CCDC198: variants seen among roughly 807,000 people sequenced by gnomAD.
The protein encoded by CCDC198 is factor associated with metabolism and energy.
In CCDC198, 18 loss-of-function variants were observed where a neutral mutation model predicts 35.6. The observed-to-expected ratio is 0.51, with a 90% CI of 0.35 to 0.75. The LOEUF is 0.75. Among genes scored for constraint, CCDC198 ranks in the 30% least tolerant of loss-of-function variants. The probability of loss-of-function intolerance (pLI) is 0.01; values close to 1 mark genes in which losing one functional copy is unlikely to be tolerated. For synonymous variants in CCDC198, 119 were observed against 113.4 expected, an observed-to-expected ratio of 1.05 and a Z score of -0.31; for missense variants, 365 against 343.7, an observed-to-expected ratio of 1.06 and a Z score of -0.49.
chr14:57,490,848 A>G, intron 2 of CCDC198, 141 bp downstream of exon 2: 1 of 814,834 alleles, frequency 1.2e-6, no homozygotes, highest in Non-Finnish European at 1.9e-6. Flanking sequence ...AGTATTTGCG[A>G]TTGATGACAT....
intron 5 of CCDC198, among the ~76,000 whole-genome samples, chr14:57,479,661 T>C (rs1438591295): frequency 6.6e-6 from 1 of 152,200 alleles, no homozygotes; most frequent in Non-Finnish European, 1.5e-5. Context: ...AATACTTTAA[T>C]TACCGAGTAG....
At chr14:57,476,387 A>G (rs947839098) in intron 5 of CCDC198, among the ~76,000 whole-genome samples, 3 of 152,152 alleles carry the variant, frequency 2.0e-5, no homozygotes, top group Non-Finnish European at 4.4e-5. Flanking sequence ...TAGATGCACT[A>G]CTGGGACTCA....
chr14:57,481,575 A>C lies in CCDC198; in HGVS notation c.479T>G (p.Ile160Ser), dbSNP rs775826016. The change falls in exon 4 of 6, where the codon ATC becomes AGC. Residue 160 changes from isoleucine (I) to serine (S), a missense_variant. Coordinates refer to ENST00000216445, the MANE Select transcript of CCDC198 (RefSeq NM_018168.4). ...YLHKMQVLEM[I>S]RKRQEAQMEL... is the part of the protein sequence containing the mutation. ...CGTATTTACCTCTTGTCTTTTACGG[A>C]TCATTTCCAGCACTTGCATCTTATG... 1.9e-6 allele frequency: 3 copies of C among 1,611,360 alleles called. No individual in the cohort carries two copies. The South Asian group carries it at 3.3e-5, about 18-fold the overall frequency.
chr14:57,492,632 C>A (rs1210533181), intron 1 of CCDC198, among the ~76,000 whole-genome samples: 2 of 151,918 alleles, frequency 1.3e-5, no homozygotes, highest in East Asian at 3.9e-4. Context: ...ATTCTGCAGA[C>A]AATAGCCATG....
intron 2 of CCDC198, among the ~76,000 whole-genome samples, chr14:57,484,183 C>G (rs1152520): frequency 0.93 from 141,098 of 152,218 alleles, 66,329 homozygotes; most frequent in East Asian, 1. Context: ...ACCTCAGAAT[C>G]GGAACTTATT....
At chr14:57,478,968 C>A (rs1321888141) in intron 5 of CCDC198, 2 of 1,288,798 alleles carry the variant, frequency 1.6e-6, no homozygotes, top group Non-Finnish European at 2.0e-6. Flanking sequence ...GGATTTGGCC[C>A]ACGGCACAGC....
chr14:57,488,146 A>T (rs571447614), intron 2 of CCDC198, among the ~76,000 whole-genome samples: 123 of 152,286 alleles, frequency 8.1e-4, no homozygotes, highest in Non-Finnish European at 1.1e-3. Context: ...GGGTGGCCAT[A>T]TTTCATTGTG....
chr14:57,471,691 A>G, intron 5 of CCDC198, 101 bp from the exon 6 acceptor site: 1 of 531,960 alleles, frequency 1.9e-6, no homozygotes, highest in Non-Finnish European at 3.3e-6. Context: ...GGTTTTTCAA[A>G]CTATATATAC....
At chr14:57,483,229 A>G in intron 2 of CCDC198, 78 bp from the exon 3 acceptor site, 1 of 1,604,152 alleles carries the variant, frequency 6.2e-7, no homozygotes, top group Non-Finnish European at 8.5e-7. Flanking sequence ...ACATTAAATT[A>G]TCTTAACACT....
chr14:57,481,255 T>C (rs2067174715), intron 4 of CCDC198, among the ~76,000 whole-genome samples: 1 of 152,148 alleles, frequency 6.6e-6, no homozygotes. Flanking sequence ...CTCCTTTCAC[T>C]AAACCAAGAA....
intron 4 of CCDC198, 68 bp from the exon 5 acceptor site, chr14:57,480,822 A>T (rs948915230): frequency 2.9e-5 from 45 of 1,532,390 alleles, no homozygotes; most frequent in Non-Finnish European, 3.9e-5. Context: ...AGATCAACAG[A>T]TCAGCCACTT....
At chr14:57,476,892 A>G (rs2067016048) in intron 5 of CCDC198, among the ~76,000 whole-genome samples, 2 of 152,222 alleles carry the variant, frequency 1.3e-5, no homozygotes, top group Admixed American at 1.3e-4. Flanking sequence ...CGTGGAAAGA[A>G]ATCAAAGATG....
Position 57,480,654 on chromosome 14 carries a change from C to G in CCDC198, c.596G>C (p.Arg199Thr). 1 of 1,614,084 alleles carries G rather than the reference C, an allele frequency of 6.2e-7. No individual in the cohort carries two copies. Among genetic ancestry groups the G allele is most frequent in the Non-Finnish European group, 8.5e-7 (1 of 1,179,996 alleles). The change falls in exon 5 of 6, where the codon AGG (arginine) becomes ACG (threonine). Residue 199 changes from arginine (R) to threonine (T), a missense_variant. Transcript: ENST00000216445. ...GGTTAGAAGGTCATGGTCATCATTC[C>G]TTGGGGTGCTTTGAAGGGTTTTCTT... is the stretch of plus-strand genomic sequence containing the variant. ...KAKKTLQSTPRNDDHDLLTML... is the reference protein window; with the variant it reads ...KAKKTLQSTPTNDDHDLLTML...
At chr14:57,480,440 A>C in intron 5 of CCDC198, 155 bp downstream of exon 5, 1 of 714,250 alleles carries the variant, frequency 1.4e-6, no homozygotes, top group South Asian at 6.2e-5. Context: ...CCAAAATTAC[A>C]TGACAACATG....
chr14:57,471,594 C>A lies in CCDC198; in HGVS notation c.656-4G>T. ...AATTCTGTATTCTTTGAATTTCCTA[C>A]AAAAAAATTAAGTTTCTTTAATTTT... On this transcript the variant is annotated splice_region_variant and splice_polypyrimidine_tract_variant and intron_variant, in intron 5 of 5. Coordinates refer to ENST00000216445, the MANE Select transcript of CCDC198 (RefSeq NM_018168.4). 1.3e-6 allele frequency: 2 copies of A among 1,510,022 alleles called. No individual in the cohort carries two copies. Among genetic ancestry groups the A allele is most frequent in the Non-Finnish European group, 1.8e-6 (2 of 1,111,026 alleles). 93.5% of individuals were successfully genotyped at this position (1,510,022 alleles called of 1,614,324 possible). A position where few individuals can be genotyped will look rare whatever the true frequency, so the allele number is the denominator to read the frequency against.
intron 5 of CCDC198, chr14:57,479,087 G>T: frequency 8.5e-7 from 1 of 1,181,914 alleles, no homozygotes; most frequent in Non-Finnish European, 1.1e-6. Context: ...ATGTAGCGTA[G>T]AAGTTGTAGA....
chr14:57,472,816 A>C (rs2066862189), intron 5 of CCDC198, among the ~76,000 whole-genome samples: 1 of 152,214 alleles, frequency 6.6e-6, no homozygotes, highest in South Asian at 2.1e-4. Flanking sequence ...GTTCAAGGAA[A>C]GCTGGCTTTT....
chr14:57,480,738 T>C lies in CCDC198; in HGVS notation c.512A>G (p.Lys171Arg), dbSNP rs889472185. 6.2e-7 allele frequency: 1 copy of C among 1,614,016 alleles called. No individual in the cohort carries two copies. The highest frequency in any genetic ancestry group is 1.3e-5 in the African/African-American group (1 of 75,034). Residue 171 changes from lysine (K) to arginine (R), a missense_variant, in exon 5 of 6, where the codon AAG (lysine) becomes AGG (arginine). Transcript: ENST00000216445. The part of the protein sequence containing the change: ...RKRQEAQMEL[K>R]KSLHGEARIN... ...TCTTGCCTCTCCATGAAGACTTTTC[T>C]TTAACTCCATTTGGGCCTGAAAATC...
Position 57,478,065 on chromosome 14 carries a change from C to T in CCDC198, c.655+2530G>A, listed in dbSNP as rs374102916. Among the ~76,000 whole-genome samples, 39 of 152,336 alleles carry T rather than the reference C, an allele frequency of 2.6e-4. No homozygotes were observed. The South Asian group carries it at 7.5e-3, about 29-fold the overall frequency. On this transcript the variant is annotated intron_variant, in intron 5 of 5. Coordinates refer to ENST00000216445, the MANE Select transcript of CCDC198 (RefSeq NM_018168.4). ...TACTGATGCAGCTACACCTCCCTGACTGGCACTTGAATTGGTTCCTGCCTG... is the reference window on the plus strand; with the variant it reads ...TACTGATGCAGCTACACCTCCCTGATTGGCACTTGAATTGGTTCCTGCCTG...
Sources: gnomAD v4.1 joint callset for allele counts (sites outside exome capture counted in the v4.1 genomes callset) on GRCh38, gnomAD v4.1.1 for gene constraint, MANE v1.5 for transcripts, NCBI Gene and HGNC (gene_info 2026-07-23, HGNC 2026-07-21) for gene names.